Variants in FOXO1 observed in about 807,000 individuals in gnomAD.
FOXO1 encodes the protein forkhead box O1, also known as forkhead box protein O1.
Under a neutral mutation model 44.1 loss-of-function variants are expected in FOXO1, and 6 were observed. That is an observed-to-expected ratio of 0.14 (90% CI 0.07 to 0.27). The LOEUF (loss-of-function observed/expected upper bound fraction) is 0.27. FOXO1 is among the 10% of genes least tolerant of loss of function. The pLI, the probability that FOXO1 is intolerant of heterozygous loss-of-function variation, is 1.00. For synonymous variants in FOXO1, 380 were observed against 362.7 expected (o/e 1.05, Z -0.54); for missense variants, 737 against 888.8 (o/e 0.83, Z 2.17).
intron 1 of FOXO1, among the ~76,000 whole-genome samples, chr13:40,595,511 A>G (rs1481573563): frequency 6.6e-6 from 1 of 152,212 alleles, no homozygotes; most frequent in Non-Finnish European, 1.5e-5. Flanking sequence ...ATAATTATGG[A>G]GTACTGAGTA....
At chr13:40,577,106 G>A (rs995395290) in intron 1 of FOXO1, among the ~76,000 whole-genome samples, 1 of 152,124 alleles carries the variant, frequency 6.6e-6, no homozygotes, top group African/African-American at 2.4e-5. Context: ...AAGGCTGTGG[G>A]GTACTGCAGG....
At position 40,595,429 on chromosome 13, in the gene FOXO1, A is replaced by G. The variant is rs76409480; in HGVS notation, c.631-34569T>C. On this transcript the variant is annotated intron_variant, in intron 1 of 2. Transcript: ENST00000379561. ...TCAGTATTGTCTGGGGGTGGGCCTG[A>G]GATTTCCTGGTGATACTGATGTCAA... Among the ~76,000 whole-genome samples the G allele has an allele frequency of 3.4e-3, 514 of 152,310 alleles. 4 individuals carry two copies. Among genetic ancestry groups the G allele is most frequent in the African/African-American group, 0.012 (494 of 41,566 alleles).
At chr13:40,606,605 G>A (rs538500030) in intron 1 of FOXO1, among the ~76,000 whole-genome samples, 41 of 152,304 alleles carry the variant, frequency 2.7e-4, no homozygotes, top group African/African-American at 4.6e-4. Context: ...AAGCCACCGC[G>A]CCCGGCCATG....
intron 1 of FOXO1, among the ~76,000 whole-genome samples, chr13:40,594,977 G>A (rs182619947): frequency 8.5e-5 from 13 of 152,214 alleles, no homozygotes; most frequent in Admixed American, 6.5e-4. Context: ...ATGAGCCACC[G>A]CACCAGCATA....
chr13:40,655,446 T>C (rs1593417488), intron 1 of FOXO1, among the ~76,000 whole-genome samples: 1 of 151,694 alleles, frequency 6.6e-6, no homozygotes, highest in African/African-American at 2.4e-5. Context: ...ATCATGCAAG[T>C]GTGAGATCCT....
intron 1 of FOXO1, among the ~76,000 whole-genome samples, chr13:40,639,148 C>A (rs549974910): frequency 2.8e-4 from 43 of 151,972 alleles, no homozygotes; most frequent in African/African-American, 9.2e-4. Context: ...GAGCTGAGAT[C>A]AGATAGTGCC....
At chr13:40,621,506 G>C (rs1387924761) in intron 1 of FOXO1, among the ~76,000 whole-genome samples, 7 of 152,174 alleles carry the variant, frequency 4.6e-5, no homozygotes, top group Non-Finnish European at 8.8e-5. Flanking sequence ...TTGTTATAAA[G>C]AGGAAATTTA....
chr13:40,662,039 C>T (rs1400445863), intron 1 of FOXO1, among the ~76,000 whole-genome samples: 1 of 151,604 alleles, frequency 6.6e-6, no homozygotes, highest in East Asian at 1.9e-4. Flanking sequence ...AGCATGGTGG[C>T]ACGTGCCAGT....
chr13:40,619,741 G>T, intron 1 of FOXO1: 1 of 928,588 alleles, frequency 1.1e-6, no homozygotes, highest in South Asian at 1.3e-5. Context: ...CTCAACAGTA[G>T]GAAGATTAAA....
chr13:40,635,114 G>C (rs1383179037), intron 1 of FOXO1, among the ~76,000 whole-genome samples: 3 of 152,004 alleles, frequency 2.0e-5, no homozygotes, highest in Admixed American at 1.3e-4. Context: ...AATCTACCTG[G>C]TAAGGCATAT....
At chr13:40,626,780 C>T (rs1235818355) in intron 1 of FOXO1, among the ~76,000 whole-genome samples, 1 of 152,172 alleles carries the variant, frequency 6.6e-6, no homozygotes, top group East Asian at 1.9e-4. Flanking sequence ...CCCGATGATA[C>T]CAGTCTCAAT....
intron 1 of FOXO1, among the ~76,000 whole-genome samples, chr13:40,602,486 T>C (rs1253039595): frequency 6.6e-6 from 1 of 152,070 alleles, no homozygotes; most frequent in East Asian, 1.9e-4. Flanking sequence ...GGATTAAATG[T>C]GGAGGGTGGG....
At chr13:40,588,566 A>C (rs979852593) in intron 1 of FOXO1, among the ~76,000 whole-genome samples, 1 of 152,170 alleles carries the variant, frequency 6.6e-6, no homozygotes, top group Non-Finnish European at 1.5e-5. Context: ...CATTTACTCC[A>C]AGCCAAAAAG....
At chr13:40,580,290 T>C (rs1332999126) in intron 1 of FOXO1, among the ~76,000 whole-genome samples, 1 of 152,222 alleles carries the variant, frequency 6.6e-6, no homozygotes, top group Non-Finnish European at 1.5e-5. Flanking sequence ...TAATAAGTTG[T>C]AGTTTGCAAA....
chr13:40,664,493 T>C (rs1336697235), intron 1 of FOXO1, among the ~76,000 whole-genome samples: 1 of 151,616 alleles, frequency 6.6e-6, no homozygotes, highest in Admixed American at 6.6e-5. Flanking sequence ...AAGGCAAAAA[T>C]GGCAAAAATC....
intron 1 of FOXO1, among the ~76,000 whole-genome samples, chr13:40,639,917 C>T (rs970670994): frequency 1.3e-5 from 2 of 152,204 alleles, no homozygotes; most frequent in Non-Finnish European, 2.9e-5. Flanking sequence ...AAACCCAATC[C>T]CTCAATCCTC....
At chr13:40,586,844 C>T (rs1454307535) in intron 1 of FOXO1, among the ~76,000 whole-genome samples, 5 of 151,932 alleles carry the variant, frequency 3.3e-5, no homozygotes, top group South Asian at 4.2e-4. Flanking sequence ...CTCAGGCAAA[C>T]GAGGAAAAAT....
chr13:40,579,959 A>T (rs1874897983), intron 1 of FOXO1, among the ~76,000 whole-genome samples: 1 of 152,188 alleles, frequency 6.6e-6, no homozygotes, highest in African/African-American at 2.4e-5. Context: ...CTTTATTACC[A>T]ATTATACGAG....
intron 1 of FOXO1, among the ~76,000 whole-genome samples, chr13:40,604,631 C>T (rs893071282): frequency 1.3e-5 from 2 of 152,108 alleles, no homozygotes; most frequent in Non-Finnish European, 2.9e-5. Flanking sequence ...TCATCACAAG[C>T]CTTTCTCGGC....
Sources: gnomAD v4.1 joint callset for allele counts (sites outside exome capture counted in the v4.1 genomes callset) on GRCh38, gnomAD v4.1.1 for gene constraint, MANE v1.5 for transcripts, NCBI Gene and HGNC (gene_info 2026-07-23, HGNC 2026-07-21) for gene names.